Variants in TNC observed in about 807,000 individuals in gnomAD.
TNC encodes tenascin.
TNC carries 109 observed loss-of-function variants against 202.4 expected under a neutral mutation model. The observed-to-expected ratio is 0.54, with a 90% CI of 0.46 to 0.63. The LOEUF (loss-of-function observed/expected upper bound fraction) is 0.63. TNC is among the 30% of genes least tolerant of loss of function. The pLI, the probability that TNC is intolerant of heterozygous loss-of-function variation, is 0.00. For synonymous variants in TNC, 1,007 were observed against 1,089.7 expected (o/e 0.92, Z 1.50); for missense variants, 2,756 against 2,833.3 (o/e 0.97, Z 0.62).
In TNC at chr9:115,064,854, A is replaced by T. The variant is rs1832826788; in HGVS notation, c.3280T>A (p.Trp1094Arg). ...TCATAGGCCTGGTCAGCTGCGGTCC[A>T]GTTGAGTCTGAGGCCATCCCAGCCA... ...EVGWDGLRLN[W>R]TAADQAYEHF... Residue 1094 changes from tryptophan to arginine, a missense_variant, in exon 11 of 28, where the codon TGG (tryptophan) becomes AGG (arginine). Around this residue, in one of 2 missense-constraint regions of TNC, gnomAD observed 2,559 missense variants for 2,546.0 expected, o/e 1.01. Transcript: ENST00000350763. 2 of 1,614,054 alleles carry T rather than the reference A, an allele frequency of 1.2e-6. No individual in the cohort carries two copies. Among genetic ancestry groups the T allele is most frequent in the Non-Finnish European group, 1.7e-6 (2 of 1,180,034 alleles).
chr9:115,082,848 G>T, intron 4 of TNC, 41 bp from the exon 5 acceptor site: 2 of 1,433,500 alleles, frequency 1.4e-6, no homozygotes, highest in Non-Finnish European at 2.0e-6. Flanking sequence ...GATAGGGCAG[G>T]TGTGTGATTG....
intron 1 of TNC, among the ~76,000 whole-genome samples, chr9:115,101,721 T>C (rs557871096): frequency 2.0e-5 from 3 of 152,314 alleles, no homozygotes; most frequent in Non-Finnish European, 2.9e-5. Context: ...GAGCTATTTT[T>C]TGTTCCTAGA....
chr9:115,081,203 T>A (rs2133298889), intron 6 of TNC, among the ~76,000 whole-genome samples: 1 of 152,330 alleles, frequency 6.6e-6, no homozygotes, highest in Middle Eastern at 3.4e-3. Context: ...TTAACATTAA[T>A]ATTTTCCCTT....
At chr9:115,040,628 T>C (rs1183004828) in intron 19 of TNC, among the ~76,000 whole-genome samples, 2 of 152,206 alleles carry the variant, frequency 1.3e-5, no homozygotes, top group African/African-American at 2.4e-5. Context: ...ATGTAGTTGG[T>C]AGAATTTGGA....
intron 15 of TNC, among the ~76,000 whole-genome samples, chr9:115,054,122 T>A (rs1831916747): frequency 6.6e-6 from 1 of 152,140 alleles, no homozygotes; most frequent in Admixed American, 6.5e-5. Context: ...GATATTAAGA[T>A]CAGGATTTAG....
rs756239231 is a variant in TNC at position 115,029,492 on chromosome 9, C to T, written c.6073-36G>A. On this transcript the variant is annotated intron_variant, in intron 24 of 27. Coordinates refer to ENST00000350763, the MANE Select transcript of TNC (RefSeq NM_002160.4). The stretch of plus-strand genomic sequence containing the variant: ...ATCGATGAATCTGGGTGTACTTAAG[C>T]TATTGCAGGAAAGAGGGCATCGTTG... 6 of 1,597,998 alleles carry T rather than the reference C, an allele frequency of 3.8e-6. No homozygotes were observed. The Admixed American group carries it at 1.0e-4, about 27-fold the overall frequency.
rs1337841369 is a variant in TNC at position 115,087,730 on chromosome 9, C to T, written c.458-457G>A. ...TTTTTTTTTTTTTTTGAGACAGAGT[C>T]TTGCTCTGTCGCCCAGGCTGGAGTG... On this transcript the variant is annotated intron_variant, in intron 2 of 27. Coordinates refer to ENST00000350763, the MANE Select transcript of TNC (RefSeq NM_002160.4). 4.9e-5 allele frequency among the ~76,000 whole-genome samples: 6 copies of T among 122,800 alleles called. No homozygotes were observed. In the South Asian group the frequency reaches 1.6e-3, roughly 32 times the overall value. 80.6% of individuals were successfully genotyped at this position (122,800 alleles called of 152,430 possible).
At chr9:115,117,051 C>T (rs756423270) in intron 1 of TNC, among the ~76,000 whole-genome samples, 11 of 152,190 alleles carry the variant, frequency 7.2e-5, no homozygotes, top group Admixed American at 2.0e-4. Context: ...CTCCTCAAAA[C>T]GACAGCAGAC....
chr9:115,092,876 G>A (rs906690339), intron 1 of TNC, among the ~76,000 whole-genome samples: 5 of 151,904 alleles, frequency 3.3e-5, no homozygotes, highest in South Asian at 4.2e-4. Flanking sequence ...ATGAGCCACC[G>A]TGCCTGGCTG....
intron 15 of TNC, among the ~76,000 whole-genome samples, chr9:115,048,818 GAT>G (rs1335207689): frequency 6.6e-6 from 1 of 152,200 alleles, no homozygotes; most frequent in Non-Finnish European, 1.5e-5. Context: ...TGTAAGAAGA[GAT>G]AGAGCGAAGA....
Position 115,090,519 on chromosome 9 carries a change from C to T in TNC, c.457+43G>A, listed in dbSNP as rs1451928440. The T allele has an allele frequency of 4.1e-6, 6 of 1,462,464 alleles. No individual in the cohort carries two copies. The South Asian group carries it at 6.8e-5, about 17-fold the overall frequency. 90.6% of individuals were successfully genotyped at this position (1,462,464 alleles called of 1,614,324 possible). A position where few individuals can be genotyped will look rare whatever the true frequency, so the allele number is the denominator to read the frequency against. ...GATGCTGCTATGCTCTTCATTTCTC[C>T]ATGTTTGCACAGTGTGGGACTGGGC... On this transcript the variant is annotated intron_variant, in intron 2 of 27. Coordinates refer to ENST00000350763, the MANE Select transcript of TNC (RefSeq NM_002160.4).
intron 1 of TNC, among the ~76,000 whole-genome samples, chr9:115,100,533 CT>C (rs1467692199): frequency 6.6e-6 from 1 of 152,170 alleles, no homozygotes; most frequent in African/African-American, 2.4e-5. Flanking sequence ...GGTGACTTTA[CT>C]AATTAACTCC....
intron 9 of TNC, 62 bp downstream of exon 9, chr9:115,075,970 T>C (rs565938199): frequency 5.4e-6 from 8 of 1,479,028 alleles, no homozygotes; most frequent in African/African-American, 2.8e-5. Flanking sequence ...TTTGGCCACA[T>C]TGACTCTGTC....
intron 17 of TNC, among the ~76,000 whole-genome samples, chr9:115,044,384 GACACAC>G (rs113847516): frequency 0.3 from 43,866 of 147,010 alleles, 6,809 homozygotes; most frequent in Non-Finnish European, 0.36. Flanking sequence ...CAGGCATGTA[GACACAC>G]ACACACACAC....
In TNC at chr9:115,076,082, G is replaced by A. The variant is rs761506904; in HGVS notation, c.2900C>T (p.Ala967Val). Residue 967 changes from alanine (A) to valine (V), a missense_variant, in exon 9 of 28, where the codon GCT (alanine) becomes GTT (valine). Around this residue, in one of 2 missense-constraint regions of TNC, gnomAD observed 2,559 missense variants for 2,546.0 expected, o/e 1.01. Coordinates refer to ENST00000350763, the MANE Select transcript of TNC (RefSeq NM_002160.4). ...ATTGCTCTCCTTGTCTTCCTTCACA[G>A]CAGAAACTCCAATCCCATATTCAGT... ...PGTEYGIGVS[A>V]VKEDKESNPA... 2 of 1,614,118 alleles carry A rather than the reference G, an allele frequency of 1.2e-6. No individual in the cohort carries two copies. The highest frequency in any genetic ancestry group is 8.5e-7 in the Non-Finnish European group (1 of 1,180,026).
chr9:115,091,790 TGTCAGTATAGCATTCA>T (rs1835258306), intron 1 of TNC, among the ~76,000 whole-genome samples: 1 of 152,220 alleles, frequency 6.6e-6, no homozygotes, highest in South Asian at 2.1e-4. Context: ...GTTATATGAC[TGTCAGTATAGCATTCA>T]GTCTACTCCT....
At chr9:115,075,444 A>T (rs1479552595) in intron 9 of TNC, among the ~76,000 whole-genome samples, 38 of 152,186 alleles carry the variant, frequency 2.5e-4, no homozygotes, top group Admixed American at 2.5e-3. Flanking sequence ...CTGATTACCA[A>T]CTTACACATG....
intron 1 of TNC, among the ~76,000 whole-genome samples, chr9:115,107,717 G>C (rs1186513524): frequency 6.6e-6 from 1 of 152,080 alleles, no homozygotes; most frequent in Non-Finnish European, 1.5e-5. Context: ...GAGCTACACT[G>C]GGCTGACTCC....
chr9:115,048,344 T>C lies in TNC; in HGVS notation c.4768A>G (p.Ile1590Val). The C allele has an allele frequency of 6.2e-7, 1 of 1,614,102 alleles. No individual in the cohort carries two copies. The highest frequency in any genetic ancestry group is 1.1e-5 in the South Asian group (1 of 91,088). The change falls in exon 16 of 28, where the codon ATA (isoleucine) becomes GTA (valine). Residue 1590 changes from isoleucine (I) to valine (V), a missense_variant. By Grantham distance (29) the Ile-to-Val change is conservative (BLOSUM62 3). This residue lies in a region of TNC where 2,559 missense variants were observed against 2,546.0 expected (regional missense o/e 1.01). Coordinates refer to ENST00000350763, the MANE Select transcript of TNC (RefSeq NM_002160.4). The part of the protein sequence containing the change: ...TQRKLELRGL[I>V]TGIGYEVMVS... Reference sequence around the variant, plus strand: ...ATAACCTCATAGCCAATGCCAGTTATGAGGCCTCTAAGCTCCAGCTTCCTC... The same window carrying C: ...ATAACCTCATAGCCAATGCCAGTTACGAGGCCTCTAAGCTCCAGCTTCCTC...
Sources: gnomAD v4.1 joint callset for allele counts (sites outside exome capture counted in the v4.1 genomes callset) on GRCh38, gnomAD v4.1.1 for gene constraint, gnomAD v4.1.1 regional missense constraint, MANE v1.5 for transcripts, NCBI Gene and HGNC (gene_info 2026-07-23, HGNC 2026-07-21) for gene names.